The following NRG3 variants were observed in gnomAD, a reference collection of about 807,000 sequenced individuals.
The protein encoded by NRG3 is neuregulin 3, also known as pro-neuregulin-3, membrane-bound isoform.
Under a neutral mutation model 66.9 loss-of-function variants are expected in NRG3, and 31 were observed. The observed-to-expected ratio is 0.46, with a 90% CI of 0.35 to 0.63. The LOEUF is 0.63. NRG3 is among the 20% of genes least tolerant of loss of function. The probability of loss-of-function intolerance (pLI) is 0.00; values close to 1 mark genes in which losing one functional copy is unlikely to be tolerated. For missense variants in NRG3, 910 were observed against 878.9 expected (o/e 1.04, Z -0.45); for synonymous variants, 393 against 359.4 (o/e 1.09, Z -1.06).
intron 1 of NRG3, among the ~76,000 whole-genome samples, chr10:82,011,079 A>G (rs1191131568): frequency 1.3e-5 from 2 of 152,276 alleles, no homozygotes; most frequent in East Asian, 3.9e-4. Context: ...ATTGTACTGC[A>G]TTGGTCTGTT....
Position 82,340,415 on chromosome 10 carries a change from C to T in NRG3, c.824-18324C>T, listed in dbSNP as rs769305593. ...CCAATGCATAAGCAGGGCTTCAAGC[C>T]AGGCTCTTGTGTTGCAATATCTATC... On this transcript the variant is annotated intron_variant, in intron 1 of 8. Transcript: ENST00000372141. 2.2e-4 allele frequency among the ~76,000 whole-genome samples: 34 copies of T among 152,272 alleles called. No homozygotes were observed. The Middle Eastern group carries it at 0.017, about 76-fold the overall frequency.
chr10:82,674,326 A>G (rs1410545583), intron 2 of NRG3, among the ~76,000 whole-genome samples: 1 of 152,090 alleles, frequency 6.6e-6, no homozygotes, highest in Non-Finnish European at 1.5e-5. Context: ...ATTTTTTCAT[A>G]TTGCCTCATT....
chr10:82,208,998 T>C (rs2075266374), intron 1 of NRG3, among the ~76,000 whole-genome samples: 2 of 151,990 alleles, frequency 1.3e-5, no homozygotes, highest in Non-Finnish European at 2.9e-5. Flanking sequence ...AGAGGAGAGC[T>C]TGAGAGAAGA....
At chr10:82,452,215 T>C (rs1483373201) in intron 2 of NRG3, among the ~76,000 whole-genome samples, 2 of 152,238 alleles carry the variant, frequency 1.3e-5, no homozygotes, top group Admixed American at 6.5e-5. Context: ...TTGTTTGTGG[T>C]GTTAGCCTTG....
chr10:82,521,944 G>A (rs1030771989), intron 2 of NRG3, among the ~76,000 whole-genome samples: 1 of 151,884 alleles, frequency 6.6e-6, no homozygotes, highest in African/African-American at 2.4e-5. Flanking sequence ...TTTATCAATG[G>A]GATTGCAGAC....
intron 2 of NRG3, among the ~76,000 whole-genome samples, chr10:82,371,237 A>G (rs555309708): frequency 1.5e-3 from 222 of 152,276 alleles, no homozygotes; most frequent in Non-Finnish European, 2.5e-3. Context: ...TTCCTCAACT[A>G]TATAAAATCC....
chr10:82,433,185 T>C (rs2089934258), intron 2 of NRG3, among the ~76,000 whole-genome samples: 1 of 152,186 alleles, frequency 6.6e-6, no homozygotes, highest in African/African-American at 2.4e-5. Context: ...TATCTCATTG[T>C]GGTTTTGATT....
In NRG3 at chr10:82,132,450, TATATATATG is replaced by T. The variant is rs1290205162; in HGVS notation, c.824-226271_824-226263del. On this transcript the variant is annotated intron_variant, in intron 1 of 8. Coordinates refer to ENST00000372141, the MANE Select transcript of NRG3 (RefSeq NM_001010848.4). ...GAATGCAGTTTGCTAATATCTTTTA[TATATATATG>T]ATATATATGATATATATATGATATA... Among the ~76,000 whole-genome samples, 22 of 135,968 alleles carry T rather than the reference TATATATATG, an allele frequency of 1.6e-4. 1 individual carries two copies. Among genetic ancestry groups the T allele is most frequent in the African/African-American group, 4.9e-4 (18 of 36,974 alleles). 89.2% of individuals were successfully genotyped at this position (135,968 alleles called of 152,430 possible).
At chr10:81,969,724 A>G (rs2059856634) in intron 1 of NRG3, among the ~76,000 whole-genome samples, 1 of 152,110 alleles carries the variant, frequency 6.6e-6, no homozygotes, top group Admixed American at 6.5e-5. Flanking sequence ...TGCTAGGTTG[A>G]GGCAACTTAA....
chr10:82,322,952 G>A (rs182699250), intron 1 of NRG3, among the ~76,000 whole-genome samples: 12 of 152,210 alleles, frequency 7.9e-5, no homozygotes, highest in African/African-American at 1.4e-4. Context: ...AAACAGTTCC[G>A]TCTGGCGTAC....
At chr10:82,934,489 C>T (rs1847879828) in intron 4 of NRG3, among the ~76,000 whole-genome samples, 1 of 152,164 alleles carries the variant, frequency 6.6e-6, no homozygotes, top group African/African-American at 2.4e-5. Context: ...TAGCAGACAC[C>T]TCTATTGCTT....
intron 1 of NRG3, among the ~76,000 whole-genome samples, chr10:82,349,671 C>T (rs1051457126): frequency 7.3e-4 from 111 of 152,068 alleles, no homozygotes; most frequent in African/African-American, 2.5e-3. Flanking sequence ...AACCTCGCTG[C>T]CGCCTTGCAG....
intron 4 of NRG3, among the ~76,000 whole-genome samples, chr10:82,940,713 T>C (rs1848508922): frequency 6.6e-6 from 1 of 152,120 alleles, no homozygotes; most frequent in African/African-American, 2.4e-5. Flanking sequence ...TGATGCCTTC[T>C]TGTTGTACCC....
chr10:82,319,956 A>C (rs531075843), intron 1 of NRG3, among the ~76,000 whole-genome samples: 1 of 152,340 alleles, frequency 6.6e-6, no homozygotes, highest in Non-Finnish European at 1.5e-5. Flanking sequence ...TGTGTTGGGA[A>C]GGGTACTAAC....
intron 3 of NRG3, among the ~76,000 whole-genome samples, chr10:82,776,316 A>T (rs1400684808): frequency 6.6e-6 from 1 of 152,030 alleles, no homozygotes; most frequent in Non-Finnish European, 1.5e-5. Flanking sequence ...ATTCCCTTTT[A>T]TGTCACTTGA....
intron 2 of NRG3, among the ~76,000 whole-genome samples, chr10:82,366,205 A>G (rs971661631): frequency 1.3e-5 from 2 of 152,208 alleles, no homozygotes; most frequent in Admixed American, 1.3e-4. Flanking sequence ...ATTGAAAGCA[A>G]CATATAGAAA....
intron 2 of NRG3, among the ~76,000 whole-genome samples, chr10:82,424,062 T>A (rs189137832): frequency 4.9e-4 from 75 of 152,186 alleles, no homozygotes; most frequent in Non-Finnish European, 8.8e-4. Context: ...TTGGCTTGTA[T>A]CTACATTTTA....
At chr10:82,071,837 T>G (rs186296189) in intron 1 of NRG3, among the ~76,000 whole-genome samples, 1 of 152,296 alleles carries the variant, frequency 6.6e-6, no homozygotes, top group East Asian at 1.9e-4. Context: ...TGTGAGCTGT[T>G]GTAGTAAGGG....
In NRG3 at chr10:82,691,087, G is replaced by A. The variant is rs367587973; in HGVS notation, c.954-47490G>A. The stretch of plus-strand genomic sequence containing the variant: ...TCTGGAAGTGGCTTATGATGCACCC[G>A]AATCAGAATCCCGACGAACAAAAAT... On this transcript the variant is annotated intron_variant, in intron 2 of 8. Transcript: ENST00000372141. Among the ~76,000 whole-genome samples, 4 of 151,930 alleles carry A rather than the reference G, an allele frequency of 2.6e-5. No individual in the cohort carries two copies. The East Asian group carries it at 5.8e-4, about 22-fold the overall frequency.
Sources: allele counts gnomAD v4.1 joint callset (sites outside exome capture counted in the v4.1 genomes callset), GRCh38; gene constraint gnomAD v4.1.1; transcripts MANE v1.5; gene names NCBI Gene and HGNC (gene_info 2026-07-23, HGNC 2026-07-21).